LHB: variants seen among roughly 807,000 people sequenced by gnomAD.
The protein encoded by LHB is lutropin subunit beta.
A neutral mutation model predicts 10.6 loss-of-function variants in LHB; 11 were observed. That is an observed-to-expected ratio of 1.04 (90% CI 0.66 to 1.72). The LOEUF (loss-of-function observed/expected upper bound fraction) is 1.72, where lower values mean the gene tolerates loss of function less well. Ranked by LOEUF, LHB falls within the 40% of genes most tolerant of loss-of-function variation. The pLI, the probability that LHB is intolerant of heterozygous loss-of-function variation, is 0.00. For synonymous variants in LHB, 86 were observed against 83.1 expected, an observed-to-expected ratio of 1.03 and a Z score of -0.19; for missense variants, 184 against 197.3, an observed-to-expected ratio of 0.93 and a Z score of 0.41.
upstream of LHB, chr19:49,018,291 A>C: frequency 1.7e-6 from 2 of 1,166,018 alleles, no homozygotes; most frequent in African/African-American, 1.6e-5. Flanking sequence ...GTCTCTTCGA[A>C]GCTCCAGTAG....
chr19:49,019,456 C>T (rs1416775026), upstream of LHB: 1 of 1,254,964 alleles, frequency 8.0e-7, no homozygotes, highest in African/African-American at 1.6e-5. Flanking sequence ...GCTTAGGAGC[C>T]CTGAAGGTGA....
At chr19:49,017,767 G>C, upstream of LHB, 1 of 409,182 alleles carries the variant, frequency 2.4e-6, no homozygotes, top group Admixed American at 4.2e-5. Context: ...AGCCTGCAAG[G>C]ACATTATCTG....
intron 1 of LHB, 125 bp from the exon 2 acceptor site, chr19:49,016,839 C>T (rs532249533): frequency 6.3e-7 from 1 of 1,574,918 alleles, no homozygotes; most frequent in Admixed American, 1.8e-5. Flanking sequence ...TATTCAGGAC[C>T]CACCACCCGG....
At chr19:49,017,749 G>A (rs2039582402), upstream of LHB, 1 of 422,096 alleles carries the variant, frequency 2.4e-6, no homozygotes, top group Non-Finnish European at 4.0e-6. Flanking sequence ...TCTTGCCCCC[G>A]GGGCCACAGC....
upstream of LHB, chr19:49,017,357 C>T (rs113572723): frequency 0.07 from 73,187 of 1,049,696 alleles, 2,850 homozygotes; most frequent in Middle Eastern, 0.085. Context: ...AGCCTGGAGG[C>T]ACAGGGAGTA....
At chr19:49,018,032 C>T (rs2039588406), upstream of LHB, 3 of 398,476 alleles carry the variant, frequency 7.5e-6, no homozygotes, top group Non-Finnish European at 1.3e-5. Flanking sequence ...TTTCGGCACG[C>T]TGTAGATGCC....
chr19:49,017,022 G>T lies in LHB; in HGVS notation c.15+45C>A, dbSNP rs370365730. ...GTCTGCCCCTTCTCATGCCAGTGAT[G>T]GCCTGGAAGGAGGTGGAAGGTGCCC... is the stretch of plus-strand genomic sequence containing the variant. On this transcript the variant is annotated intron_variant, in intron 1 of 2. Transcript: ENST00000649238. 4.0e-4 allele frequency: 653 copies of T among 1,613,200 alleles called. 2 individuals carry two copies. The highest frequency in any genetic ancestry group is 1.2e-3 in the African/African-American group (93 of 75,016).
chr19:49,018,973 C>T (rs1213265733), upstream of LHB: 2 of 1,533,546 alleles, frequency 1.3e-6, no homozygotes, highest in African/African-American at 1.4e-5. Context: ...CCAGACAGCT[C>T]GGGGTTCTTC....
chr19:49,017,218 G>T, upstream of LHB: 8 of 1,453,774 alleles, frequency 5.5e-6, no homozygotes, highest in Non-Finnish European at 7.7e-6. Context: ...CACATGGCCA[G>T]GGAGGCGCAG....
At chr19:49,018,408 T>A (rs1295657162), upstream of LHB, 8 of 950,320 alleles carry the variant, frequency 8.4e-6, no homozygotes, top group Non-Finnish European at 1.1e-5. Context: ...GACCTCGGGA[T>A]CTAAGGAGTC....
In LHB at chr19:49,016,634, G is replaced by A; in HGVS notation, c.96C>T (p.Ile32=). 6.2e-7 allele frequency: 1 copy of A among 1,612,250 alleles called. No homozygotes were observed. The highest frequency in any genetic ancestry group is 8.5e-7 in the Non-Finnish European group (1 of 1,179,800). The stretch of plus-strand genomic sequence containing the variant: ...CCTTCTCGACAGCCAGGATGGCATT[G>A]ATGGGGTGGCACCATGGCCGAAGCG... ...REPLRPWCHP[I]NAILAVEKEG... is the part of the protein sequence containing the mutation. The change falls in exon 2 of 3, where the codon ATC becomes ATT. Residue 32 remains isoleucine, a synonymous_variant. Coordinates refer to ENST00000649238, the MANE Select transcript of LHB (RefSeq NM_000894.3).
In LHB at chr19:49,016,108, G is replaced by A. The variant is rs368190391; in HGVS notation, c.386C>T (p.Thr129Ile). The A allele has an allele frequency of 1.6e-5, 26 of 1,612,936 alleles. No individual in the cohort carries two copies. In the African/African-American group the frequency reaches 2.3e-4, roughly 14 times the overall value. Residue 129 changes from threonine (T) to isoleucine (I), a missense_variant, in exon 3 of 3, where the codon ACC becomes ATC. Transcript: ENST00000649238. The stretch of plus-strand genomic sequence containing the variant: ...GCCTGAGAGTTGGGGGTGGTCACAG[G>A]TCAAGGGGTGGTCTTTGGGACCCCC... ...DCGGPKDHPL[T>I]CDHPQLSGLL...
chr19:49,017,241 A>T (rs1489310124), upstream of LHB, among the ~76,000 whole-genome samples: 1 of 152,046 alleles, frequency 6.6e-6, no homozygotes, highest in African/African-American at 2.4e-5. Context: ...GTGGCTCAGC[A>T]GAGCGCCCCA....
intron 1 of LHB, 66 bp downstream of exon 1, chr19:49,017,001 G>C (rs2039566900): frequency 1.2e-6 from 2 of 1,612,558 alleles, no homozygotes; most frequent in African/African-American, 2.7e-5. Flanking sequence ...ACACGGGTCT[G>C]CCCCTTCTCA....
At chr19:49,017,489 TC>T (rs1007165434), upstream of LHB, 54 of 1,139,430 alleles carry the variant, frequency 4.7e-5, no homozygotes, top group African/African-American at 8.2e-4. Flanking sequence ...TGCACCACAG[TC>T]CAACCTAACA....
At chr19:49,019,009 G>C, upstream of LHB, 1 of 1,530,710 alleles carries the variant, frequency 6.5e-7, no homozygotes, top group Non-Finnish European at 8.7e-7. Flanking sequence ...GCCTGAGCAA[G>C]ATTGGGGGAG....
intron 1 of LHB, 72 bp from the exon 2 acceptor site, chr19:49,016,786 G>C (rs2039562192): frequency 6.2e-7 from 1 of 1,601,920 alleles, no homozygotes; most frequent in Non-Finnish European, 8.5e-7. Context: ...ATCCCGCGTG[G>C]TACACCACCC....
At chr19:49,017,170 G>A, upstream of LHB, 1 of 1,595,068 alleles carries the variant, frequency 6.3e-7, no homozygotes, top group Non-Finnish European at 8.6e-7. Context: ...AGGATGCTGG[G>A]GTAACCTGGA....
At chr19:49,018,188 C>T, upstream of LHB, 1 of 438,308 alleles carries the variant, frequency 2.3e-6, no homozygotes, top group Non-Finnish European at 3.8e-6. Flanking sequence ...GGTCACCGGG[C>T]TGACGCGCGG....
Sources: gnomAD v4.1 joint callset for allele counts (sites outside exome capture counted in the v4.1 genomes callset) on GRCh38, gnomAD v4.1.1 for gene constraint, MANE v1.5 for transcripts, NCBI Gene and HGNC (gene_info 2026-07-23, HGNC 2026-07-21) for gene names.